Variants in PLEKHA5 observed in about 807,000 individuals in gnomAD.
The protein encoded by PLEKHA5 is pleckstrin homology domain-containing family A member 5.
A neutral mutation model predicts 181.9 loss-of-function variants in PLEKHA5; 55 were observed. That is an observed-to-expected ratio of 0.30 (90% CI 0.24 to 0.38). The LOEUF (loss-of-function observed/expected upper bound fraction) is 0.38. PLEKHA5 is among the 10% of genes least tolerant of loss of function. PLEKHA5 has a pLI of 1.00. For missense variants in PLEKHA5, 1,432 were observed against 1,549.5 expected, an observed-to-expected ratio of 0.92 and a Z score of 1.27; for synonymous variants, 535 against 529.4, an observed-to-expected ratio of 1.01 and a Z score of -0.15.
At chr12:19,170,461 C>G (rs2045634010) in intron 3 of PLEKHA5, among the ~76,000 whole-genome samples, 1 of 149,286 alleles carries the variant, frequency 6.7e-6, no homozygotes, top group Non-Finnish European at 1.5e-5. Flanking sequence ...GAGTCTCCCT[C>G]TGTTGCCCAG....
At chr12:19,346,945 T>C in intron 23 of PLEKHA5, 49 bp from the exon 24 acceptor site, 1 of 1,231,152 alleles carries the variant, frequency 8.1e-7, no homozygotes, top group Non-Finnish European at 1.1e-6. Flanking sequence ...TTAGATATGC[T>C]TAATTCAATC....
chr12:19,133,856 A>G (rs994958907), intron 3 of PLEKHA5, among the ~76,000 whole-genome samples: 4 of 152,080 alleles, frequency 2.6e-5, no homozygotes, highest in East Asian at 3.9e-4. Context: ...ATGTTTTTCT[A>G]TTGGTTATTT....
intron 3 of PLEKHA5, among the ~76,000 whole-genome samples, chr12:19,212,199 A>C (rs1267659572): frequency 6.6e-6 from 1 of 152,204 alleles, no homozygotes; most frequent in Non-Finnish European, 1.5e-5. Flanking sequence ...CACGTGGAAT[A>C]ATCGCTTGAA....
intron 30 of PLEKHA5, among the ~76,000 whole-genome samples, chr12:19,369,334 C>A (rs377416899): frequency 1.7e-4 from 24 of 139,408 alleles, no homozygotes; most frequent in Admixed American, 1.4e-4. Flanking sequence ...CACGCCCAGC[C>A]AAAAAAAAAA....
At chr12:19,349,604 C>T (rs1358788560) in intron 25 of PLEKHA5, among the ~76,000 whole-genome samples, 1 of 151,830 alleles carries the variant, frequency 6.6e-6, no homozygotes, top group Non-Finnish European at 1.5e-5. Flanking sequence ...AGAGAACTAT[C>T]CTAGATTAAA....
chr12:19,230,797 G>A (rs1301992129), intron 3 of PLEKHA5, among the ~76,000 whole-genome samples: 1 of 152,164 alleles, frequency 6.6e-6, no homozygotes, highest in African/African-American at 2.4e-5. Context: ...CCAGAGAGGG[G>A]CTCCCACAGT....
At chr12:19,205,434 A>G in intron 3 of PLEKHA5, 3 of 960,528 alleles carry the variant, frequency 3.1e-6, no homozygotes, top group Non-Finnish European at 3.7e-6. Flanking sequence ...TTTTAGCAAA[A>G]GGCTATTTGG....
chr12:19,232,194 T>A (rs2060733107), intron 3 of PLEKHA5, among the ~76,000 whole-genome samples: 1 of 152,194 alleles, frequency 6.6e-6, no homozygotes, highest in Non-Finnish European at 1.5e-5. Flanking sequence ...CAAGATAGTT[T>A]ATATTAACAG....
chr12:19,244,615 C>A (rs534427951), intron 3 of PLEKHA5, among the ~76,000 whole-genome samples: 5 of 152,294 alleles, frequency 3.3e-5, no homozygotes, highest in South Asian at 2.1e-4. Context: ...TAAATTAAAT[C>A]TTTTTCTTTT....
At chr12:19,275,320 C>T (rs2074192845) in intron 11 of PLEKHA5, among the ~76,000 whole-genome samples, 1 of 152,100 alleles carries the variant, frequency 6.6e-6, no homozygotes, top group Non-Finnish European at 1.5e-5. Flanking sequence ...CCATTATCAC[C>T]TCTTCTCTGA....
At chr12:19,297,595 G>C (rs2080202623) in intron 15 of PLEKHA5, among the ~76,000 whole-genome samples, 1 of 143,508 alleles carries the variant, frequency 7.0e-6, no homozygotes, top group Admixed American at 7.1e-5. Context: ...GCAGTCCGCA[G>C]TCCGGCCTGG....
intron 19 of PLEKHA5, 44 bp downstream of exon 19, chr12:19,322,434 A>G (rs1592486624): frequency 2.6e-6 from 4 of 1,563,810 alleles, no homozygotes; most frequent in Non-Finnish European, 3.5e-6. Context: ...GTTACTTAAT[A>G]TGATTATTAT....
intron 15 of PLEKHA5, among the ~76,000 whole-genome samples, chr12:19,296,946 T>C (rs1380172776): frequency 1.3e-5 from 2 of 152,186 alleles, no homozygotes; most frequent in African/African-American, 4.8e-5. Flanking sequence ...TTTCTAACAT[T>C]CTCTGCTAGT....
intron 31 of PLEKHA5, 72 bp downstream of exon 31, chr12:19,369,870 G>T: frequency 1.2e-6 from 1 of 866,538 alleles, no homozygotes; most frequent in Non-Finnish European, 1.8e-6. Flanking sequence ...TTGGTTTAGT[G>T]AATCAAAACT....
At chr12:19,165,336 G>A (rs958819927) in intron 3 of PLEKHA5, among the ~76,000 whole-genome samples, 2 of 151,918 alleles carry the variant, frequency 1.3e-5, no homozygotes, top group African/African-American at 4.8e-5. Context: ...GCTTACACAC[G>A]TGCATCTTTG....
At chr12:19,288,077 CAAA>C (rs9300127) in intron 13 of PLEKHA5, 2,054 of 183,430 alleles carry the variant, frequency 0.011, no homozygotes, top group South Asian at 0.017. Context: ...GACTCTGTCT[CAAA>C]AAAAAAAAAA....
intron 16 of PLEKHA5, among the ~76,000 whole-genome samples, chr12:19,319,134 C>CA (rs1592472176): frequency 6.6e-6 from 1 of 152,110 alleles, no homozygotes; most frequent in East Asian, 1.9e-4. Context: ...TTTACAATGA[C>CA]AGTTGACACT....
chr12:19,359,081 G>A (rs2095093964), intron 27 of PLEKHA5, among the ~76,000 whole-genome samples: 1 of 152,184 alleles, frequency 6.6e-6, no homozygotes, highest in Admixed American at 6.5e-5. Flanking sequence ...TAAACTGAAT[G>A]CATCAGCTGA....
chr12:19,306,353 T>C (rs978382933), intron 15 of PLEKHA5: 6 of 451,866 alleles, frequency 1.3e-5, no homozygotes, highest in African/African-American at 1.2e-4. Flanking sequence ...TGTTTTCTCG[T>C]GCTCTCCAAC....
Sources: allele counts gnomAD v4.1 joint callset (sites outside exome capture counted in the v4.1 genomes callset), GRCh38; gene constraint gnomAD v4.1.1; transcripts MANE v1.5; gene names NCBI Gene and HGNC (gene_info 2026-07-23, HGNC 2026-07-21).